The following C12orf76 variants were observed in gnomAD, a reference collection of about 807,000 sequenced individuals.
C12orf76 encodes the protein uncharacterized protein C12orf76.
Under a neutral mutation model 6.8 loss-of-function variants are expected in C12orf76, and 6 were observed. The ratio of observed to expected loss-of-function variants is 0.88; its 90% CI spans 0.48 to 1.73. The LOEUF is 1.73. Ranked by LOEUF, C12orf76 falls within the 40% of genes most tolerant of loss-of-function variation. The pLI is 0.01. For missense variants in C12orf76, 99 were observed against 98.2 expected (o/e 1.01, Z -0.03); for synonymous variants, 56 against 43.7 (o/e 1.28, Z -1.11).
chr12:110,072,809 G>A (rs1259982826), intron 1 of C12orf76, among the ~76,000 whole-genome samples: 7 of 151,884 alleles, frequency 4.6e-5, no homozygotes. Context: ...TGTAATCCCA[G>A]CTTACTTGGT....
At chr12:110,072,496 G>T (rs11064924), upstream of C12orf76, among the ~76,000 whole-genome samples, 10,913 of 145,286 alleles carry the variant, frequency 0.075, 422 homozygotes, top group African/African-American at 0.093. Flanking sequence ...GGTTTTTTTT[G>T]TTTTTTTTTT....
intron 1 of C12orf76, chr12:110,042,694 T>C (rs1892345334): frequency 1.5e-6 from 1 of 657,362 alleles, no homozygotes; most frequent in South Asian, 1.6e-5. Context: ...AACAGTAACA[T>C]GCTAGGGATG....
upstream of C12orf76, among the ~76,000 whole-genome samples, chr12:110,051,978 C>T (rs1382183535): frequency 6.1e-5 from 9 of 148,040 alleles, no homozygotes; most frequent in East Asian, 2.0e-4. Flanking sequence ...GTGCAAGCTC[C>T]GCCTCCTAGG....
Position 110,054,678 on chromosome 12 carries a change from G to T in C12orf76, n.664+2511C>A, listed in dbSNP as rs1235872865. Among the ~76,000 whole-genome samples, 1 of 152,164 alleles carries T rather than the reference G, an allele frequency of 6.6e-6. No individual in the cohort carries two copies. The highest frequency in any genetic ancestry group is 1.5e-5 in the Non-Finnish European group (1 of 68,034). On this transcript the variant is annotated intron_variant and non_coding_transcript_variant, in intron 4 of 4. Transcript: ENST00000309050. The surrounding 1 kb of genome is among the most constrained non-coding windows in gnomAD (Gnocchi z 4.4). ...CACTGAACTGTTCATGTTTACAGTG[G>T]TTAATTTTGTGTTATATGAACTTCA... is the stretch of plus-strand genomic sequence containing the variant.
chr12:110,048,027 C>T (rs1477707176), intron 1 of C12orf76, among the ~76,000 whole-genome samples: 1 of 151,928 alleles, frequency 6.6e-6, no homozygotes, highest in African/African-American at 2.4e-5. Flanking sequence ...ATAGTGAAAC[C>T]CCATCTCTAC....
chr12:110,057,928 G>C (rs1892698575), intron 3 of C12orf76, among the ~76,000 whole-genome samples: 1 of 151,970 alleles, frequency 6.6e-6, no homozygotes, highest in African/African-American at 2.4e-5. Flanking sequence ...GCCAGGCACA[G>C]TGGTGGGCGC....
intron 1 of C12orf76, among the ~76,000 whole-genome samples, chr12:110,047,689 A>G (rs1892486582): frequency 6.6e-6 from 1 of 152,112 alleles, no homozygotes; most frequent in African/African-American, 2.4e-5. Flanking sequence ...TTGTAAAAGA[A>G]AAAAAAAGGG....
At chr12:110,059,251 T>A in intron 2 of C12orf76, 1 of 1,380,696 alleles carries the variant, frequency 7.2e-7, no homozygotes, top group Non-Finnish European at 9.7e-7. Context: ...TAATTAGCTC[T>A]ATCTAATAGT....
At chr12:110,055,548 T>A (rs1287395140) in intron 4 of C12orf76, among the ~76,000 whole-genome samples, 1 of 152,126 alleles carries the variant, frequency 6.6e-6, no homozygotes, top group Non-Finnish European at 1.5e-5. Context: ...CTCAAAGGGT[T>A]CACCTTGCCT....
Position 110,048,353 on chromosome 12 carries a change from GGCCGCTCACCCAGGTTCT to G in C12orf76, c.125_133+9del. On this transcript the variant is annotated splice_donor_variant and splice_donor_5th_base_variant and coding_sequence_variant and intron_variant, in exon 1 of 2. Transcript: ENST00000615315. LOFTEE classifies it high-confidence loss of function. The stretch of plus-strand genomic sequence containing the variant: ...ACTACCCGCCGCCCGCCAGCCCGAG[GGCCGCTCACCCAGGTTCT>G]GCCCTCGCAGCACCGCGTACGGCCG... The G allele has an allele frequency of 1.3e-6, 2 of 1,495,850 alleles. No homozygotes were observed. The highest frequency in any genetic ancestry group is 1.8e-6 in the Non-Finnish European group (2 of 1,127,714). 92.7% of individuals were successfully genotyped at this position (1,495,850 alleles called of 1,614,324 possible).
chr12:110,065,377 G>C (rs1892841793), intron 2 of C12orf76, among the ~76,000 whole-genome samples: 1 of 151,950 alleles, frequency 6.6e-6, no homozygotes, highest in Admixed American at 6.6e-5. Context: ...TGCGACATTG[G>C]CCAGGCTGGT....
chr12:110,057,187 A>C lies in C12orf76; in HGVS notation n.664+2T>G, dbSNP rs747486136. 4 of 1,605,968 alleles carry C rather than the reference A, an allele frequency of 2.5e-6. No individual in the cohort carries two copies. In the East Asian group the frequency reaches 6.7e-5, roughly 27 times the overall value. On this transcript the variant is annotated splice_donor_variant and non_coding_transcript_variant, in intron 4 of 4. Coordinates refer to the C12orf76 transcript ENST00000309050. ...GAATATAAGTGACTTTCGCAGACTTACCTTGGCATTGCAGGTAGGATGGGC... is the reference window on the plus strand; with the variant it reads ...GAATATAAGTGACTTTCGCAGACTTCCCTTGGCATTGCAGGTAGGATGGGC...
intron 1 of C12orf76, among the ~76,000 whole-genome samples, chr12:110,072,955 AAAAAAAG>A (rs1235218983): frequency 3.4e-4 from 51 of 152,166 alleles, no homozygotes; most frequent in Admixed American, 1.1e-3. Flanking sequence ...TCTCAAAAAA[AAAAAAAG>A]AAAAAAGAAA....
chr12:110,063,607 TTTATTTA>T, intron 2 of C12orf76, among the ~76,000 whole-genome samples: 1 of 122,748 alleles, frequency 8.1e-6, no homozygotes, highest in Non-Finnish European at 1.7e-5. Flanking sequence ...TTTATTTTTA[TTTATTTA>T]TTTATTTATT....
intron 2 of C12orf76, among the ~76,000 whole-genome samples, chr12:110,062,573 A>G (rs114517725): frequency 2.6e-5 from 4 of 152,182 alleles, no homozygotes; most frequent in African/African-American, 9.6e-5. Context: ...TGATTTTATG[A>G]TATGTAAGTT....
At chr12:110,067,957 AT>A, upstream of C12orf76, among the ~76,000 whole-genome samples, 1 of 152,124 alleles carries the variant, frequency 6.6e-6, no homozygotes, top group Non-Finnish European at 1.5e-5. Context: ...CACGCCTGTA[AT>A]CCCAGCACTT....
At chr12:110,046,444 C>G (rs1193469212) in intron 1 of C12orf76, among the ~76,000 whole-genome samples, 1 of 152,098 alleles carries the variant, frequency 6.6e-6, no homozygotes, top group East Asian at 1.9e-4. Flanking sequence ...TAAATAAATA[C>G]CAACTGTACG....
At chr12:110,067,675 C>T (rs1000285946) in exon 1 of C12orf76, 5 of 606,542 alleles carry the variant, frequency 8.2e-6, no homozygotes, top group Non-Finnish European at 1.0e-5. Context: ...TGCACCCGGC[C>T]GGCTCAGTCA....
At chr12:110,046,989 G>C (rs770900011) in intron 1 of C12orf76, among the ~76,000 whole-genome samples, 3 of 152,166 alleles carry the variant, frequency 2.0e-5, no homozygotes, top group Non-Finnish European at 2.9e-5. Flanking sequence ...GAAGGATCGA[G>C]TGGGATAATG....
Sources: gnomAD v4.1 joint callset for allele counts (sites outside exome capture counted in the v4.1 genomes callset) on GRCh38, gnomAD v4.1.1 for gene constraint, Gnocchi (gnomAD v3.1) non-coding constraint, MANE v1.5 for transcripts, NCBI Gene and HGNC (gene_info 2026-07-23, HGNC 2026-07-21) for gene names.